Variants in SYN3 observed in about 807,000 individuals in gnomAD.
SYN3 encodes the protein synapsin-3.
A neutral mutation model predicts 65.8 loss-of-function variants in SYN3; 35 were observed. That is an observed-to-expected ratio of 0.53 (90% CI 0.41 to 0.70). The LOEUF (loss-of-function observed/expected upper bound fraction) is 0.70, where lower values mean the gene tolerates loss of function less well. Among genes scored for constraint, SYN3 ranks in the 30% least tolerant of loss-of-function variants. SYN3 has a pLI of 0.00. For missense variants in SYN3, 680 were observed against 749.0 expected (o/e 0.91, Z 1.08); for synonymous variants, 270 against 292.9 (o/e 0.92, Z 0.80).
rs140428144 is a variant in SYN3 at position 32,547,263 on chromosome 22, G to A, written c.775-5550C>T. ...GCCTCCCAAAGTGCTGGGATTACAG[G>A]CATGAGTCACCATGCCCGGCCACTC... On this transcript the variant is annotated intron_variant, in intron 7 of 13. Transcript: ENST00000358763. Among the ~76,000 whole-genome samples, 604 of 152,236 alleles carry A rather than the reference G, an allele frequency of 4.0e-3. 4 individuals are homozygous for A. The highest frequency in any genetic ancestry group is 6.1e-3 in the Non-Finnish European group (416 of 68,010).
Position 32,556,803 on chromosome 22 carries a change from G to GTTTTTTTTTTTTTTTTTT in SYN3, c.775-15091_775-15090insAAAAAAAAAAAAAAAAAA, listed in dbSNP as rs1491135400. ...CAATGACCCAATCTATAGGTTTCCT[G>GTTTTTTTTTTTTTTTTTT]GTTTTTTTTTTTTTTTTTTTTTTTT... On this transcript the variant is annotated intron_variant, in intron 7 of 13. Coordinates refer to ENST00000358763, the MANE Select transcript of SYN3 (RefSeq NM_003490.4). Among the ~76,000 whole-genome samples the GTTTTTTTTTTTTTTTTTT allele has an allele frequency of 1.1e-3, 40 of 35,260 alleles. 10 individuals carry two copies. The highest frequency in any genetic ancestry group is 2.0e-3 in the Non-Finnish European group (35 of 17,888). 23.1% of individuals were successfully genotyped at this position (35,260 alleles called of 152,430 possible). A position where few individuals can be genotyped will look rare whatever the true frequency, so the allele number is the denominator to read the frequency against.
chr22:32,711,244 A>G (rs1381717733), intron 6 of SYN3, among the ~76,000 whole-genome samples: 6 of 152,220 alleles, frequency 3.9e-5, no homozygotes, highest in Non-Finnish European at 7.3e-5. Flanking sequence ...TTTTGCCTCA[A>G]CTGATCGAAC....
chr22:32,962,129 C>CTTTTT (rs58025844), intron 3 of SYN3, among the ~76,000 whole-genome samples: 29 of 107,182 alleles, frequency 2.7e-4, no homozygotes, highest in African/African-American at 5.2e-4. Context: ...TTTAGAATCT[C>CTTTTT]TTTTTTTTTT....
At chr22:32,877,659 T>C (rs961554124) in intron 4 of SYN3, among the ~76,000 whole-genome samples, 18 of 152,156 alleles carry the variant, frequency 1.2e-4, no homozygotes, top group Non-Finnish European at 2.6e-4. Flanking sequence ...AGGGCTCCTC[T>C]TGTCCTCTGT....
At chr22:32,672,595 AG>A (rs1481576479) in intron 6 of SYN3, among the ~76,000 whole-genome samples, 1 of 152,194 alleles carries the variant, frequency 6.6e-6, no homozygotes, top group Non-Finnish European at 1.5e-5. Flanking sequence ...ATCTCTCCAC[AG>A]GCTGCTATGT....
At chr22:32,580,853 T>C (rs2058929412) in intron 7 of SYN3, among the ~76,000 whole-genome samples, 1 of 152,152 alleles carries the variant, frequency 6.6e-6, no homozygotes, top group South Asian at 2.1e-4. Context: ...TTGATGACCC[T>C]TGCCTAGATC....
intron 4 of SYN3, among the ~76,000 whole-genome samples, chr22:32,893,147 C>A (rs565557719): frequency 1.3e-5 from 2 of 152,136 alleles, no homozygotes; most frequent in Non-Finnish European, 2.9e-5. Flanking sequence ...TGACCAGGGG[C>A]CCAACACTCT....
intron 6 of SYN3, among the ~76,000 whole-genome samples, chr22:32,655,006 A>C (rs1322345462): frequency 1.3e-5 from 2 of 152,220 alleles, no homozygotes; most frequent in African/African-American, 4.8e-5. Flanking sequence ...GGAAGAAATT[A>C]AGACTTGAAA....
intron 6 of SYN3, among the ~76,000 whole-genome samples, chr22:32,671,898 G>A (rs905183987): frequency 6.6e-5 from 10 of 152,230 alleles, no homozygotes; most frequent in African/African-American, 2.2e-4. Context: ...TAGTGTATGC[G>A]GAGTCACATT....
chr22:32,859,415 C>T (rs927122214), intron 6 of SYN3: 13 of 1,588,326 alleles, frequency 8.2e-6, no homozygotes, highest in South Asian at 2.2e-5. Context: ...CCTCCCTTCC[C>T]GCTGAGCTTC....
At chr22:32,788,039 C>G (rs2046236077) in intron 6 of SYN3, among the ~76,000 whole-genome samples, 1 of 152,070 alleles carries the variant, frequency 6.6e-6, no homozygotes, top group Non-Finnish European at 1.5e-5. Context: ...GTCTAGAAGG[C>G]CAAGGCATTT....
chr22:32,594,149 T>C (rs1165807240), intron 7 of SYN3, among the ~76,000 whole-genome samples: 1 of 150,874 alleles, frequency 6.6e-6, no homozygotes, highest in East Asian at 2.0e-4. Context: ...ACAAGGGAAT[T>C]GGGGGGCAGA....
chr22:32,521,668 G>T (rs1213958698), intron 12 of SYN3, among the ~76,000 whole-genome samples: 1 of 151,870 alleles, frequency 6.6e-6, no homozygotes, highest in Non-Finnish European at 1.5e-5. Flanking sequence ...GGCTGGTCTC[G>T]AACTCCTGAC....
At chr22:32,894,769 C>T (rs2049544172) in intron 4 of SYN3, among the ~76,000 whole-genome samples, 1 of 152,136 alleles carries the variant, frequency 6.6e-6, no homozygotes, top group Non-Finnish European at 1.5e-5. Flanking sequence ...GACTGAGTAA[C>T]ACAGGTTGCC....
intron 6 of SYN3, among the ~76,000 whole-genome samples, chr22:32,644,326 T>C (rs1480470330): frequency 1.3e-5 from 2 of 152,104 alleles, no homozygotes; most frequent in East Asian, 3.9e-4. Context: ...CATTCAGGGT[T>C]GGAGGCTGGC....
At chr22:32,570,732 G>A (rs59336593) in intron 7 of SYN3, among the ~76,000 whole-genome samples, 6,614 of 152,140 alleles carry the variant, frequency 0.043, 314 homozygotes, top group East Asian at 0.23. Context: ...GGCACACAGG[G>A]AGGAGCAGGT....
intron 3 of SYN3, among the ~76,000 whole-genome samples, chr22:32,948,593 C>T (rs988790853): frequency 5.3e-5 from 8 of 152,026 alleles, no homozygotes; most frequent in Non-Finnish European, 8.8e-5. Context: ...AAAAATTAGC[C>T]GGGCGTGGTG....
At chr22:32,645,831 A>G (rs1273391764) in intron 6 of SYN3, among the ~76,000 whole-genome samples, 1 of 144,862 alleles carries the variant, frequency 6.9e-6, no homozygotes, top group Admixed American at 6.9e-5. Flanking sequence ...CACCTCTGAG[A>G]TGAGACAAGA....
chr22:32,697,655 A>G (rs142239465), intron 6 of SYN3, among the ~76,000 whole-genome samples: 4 of 152,318 alleles, frequency 2.6e-5, no homozygotes, highest in Admixed American at 1.3e-4. Context: ...TGATGATGCA[A>G]TATGTTCACT....
Sources: gnomAD v4.1 joint callset for allele counts (sites outside exome capture counted in the v4.1 genomes callset) on GRCh38, gnomAD v4.1.1 for gene constraint, MANE v1.5 for transcripts, NCBI Gene and HGNC (gene_info 2026-07-23, HGNC 2026-07-21) for gene names.